Variants in PPP3R1 observed in about 807,000 individuals in gnomAD.
PPP3R1 encodes the protein calcineurin subunit B type 1.
Under a neutral mutation model 22.6 loss-of-function variants are expected in PPP3R1, and 5 were observed. The observed-to-expected ratio is 0.22, with a 90% CI of 0.12 to 0.46. The LOEUF is 0.46. Among genes scored for constraint, PPP3R1 ranks in the 20% least tolerant of loss-of-function variants. The pLI is 0.99. For synonymous variants in PPP3R1, 56 were observed against 65.2 expected (o/e 0.86, Z 0.68); for missense variants, 61 against 203.2 (o/e 0.30, Z 4.25).
intron 2 of PPP3R1, among the ~76,000 whole-genome samples, chr2:68,215,192 A>G (rs1343948196): frequency 2.0e-5 from 3 of 152,132 alleles, no homozygotes; most frequent in Non-Finnish European, 4.4e-5. Context: ...TATGCTTATT[A>G]CCTGGATGGC....
chr2:68,230,803 T>C (rs1398177238), intron 1 of PPP3R1, among the ~76,000 whole-genome samples: 2 of 152,230 alleles, frequency 1.3e-5, no homozygotes, highest in African/African-American at 2.4e-5. Flanking sequence ...TGACAGTCCT[T>C]TTCTTTCAGC....
At chr2:68,206,433 T>C (rs373436818) in intron 2 of PPP3R1, among the ~76,000 whole-genome samples, 1 of 152,162 alleles carries the variant, frequency 6.6e-6, no homozygotes, top group Admixed American at 6.5e-5. Context: ...ACTTAAATCA[T>C]CCCCAAGTTT....
At chr2:68,217,039 C>CACCCAG in intron 2 of PPP3R1, 53 bp downstream of exon 2, 2 of 1,084,904 alleles carry the variant, frequency 1.8e-6, no homozygotes, top group South Asian at 1.6e-5. Flanking sequence ...CACACACACA[C>CACCCAG]AGAGAGAGAT....
chr2:68,229,904 GTGTGTGTATA>G (rs1438983487), intron 1 of PPP3R1, among the ~76,000 whole-genome samples: 1 of 151,416 alleles, frequency 6.6e-6, no homozygotes, highest in Non-Finnish European at 1.5e-5. Flanking sequence ...ATATACGGGT[GTGTGTGTATA>G]TGTGTATATA....
At chr2:68,221,027 G>A (rs941398740) in intron 1 of PPP3R1, among the ~76,000 whole-genome samples, 1 of 151,478 alleles carries the variant, frequency 6.6e-6, no homozygotes, top group Non-Finnish European at 1.5e-5. Flanking sequence ...GCAAAACACT[G>A]TCTCTACAAA....
intron 1 of PPP3R1, among the ~76,000 whole-genome samples, chr2:68,244,622 A>G (rs1295548510): frequency 1.3e-5 from 2 of 152,040 alleles, no homozygotes; most frequent in East Asian, 3.9e-4. Context: ...TCATTCCATT[A>G]ATCACGCTCT....
At chr2:68,204,936 C>A (rs960159749) in intron 2 of PPP3R1, among the ~76,000 whole-genome samples, 11 of 152,312 alleles carry the variant, frequency 7.2e-5, no homozygotes, top group African/African-American at 2.6e-4. Context: ...TTAGTTTGAA[C>A]AGCCACTTAT....
chr2:68,240,638 A>T (rs1670106077), intron 1 of PPP3R1, among the ~76,000 whole-genome samples: 1 of 152,154 alleles, frequency 6.6e-6, no homozygotes, highest in Admixed American at 6.6e-5. Context: ...GGGACTTTTG[A>T]GGCATTCCAG....
chr2:68,237,133 T>C (rs970311481), intron 1 of PPP3R1, among the ~76,000 whole-genome samples: 4 of 152,134 alleles, frequency 2.6e-5, no homozygotes, highest in Admixed American at 2.6e-4. Context: ...GCCAAAAATA[T>C]CCTGAAACAT....
intron 1 of PPP3R1, among the ~76,000 whole-genome samples, chr2:68,226,206 A>T (rs1367218544): frequency 6.6e-6 from 1 of 152,182 alleles, no homozygotes; most frequent in Non-Finnish European, 1.5e-5. Context: ...GTACCAGGTA[A>T]CATTTCAGGG....
chr2:68,189,216 C>T (rs965822726), intron 2 of PPP3R1, among the ~76,000 whole-genome samples: 1 of 152,152 alleles, frequency 6.6e-6, no homozygotes, highest in African/African-American at 2.4e-5. Context: ...CTTCCCACCC[C>T]GAGATATCCA....
chr2:68,247,985 C>T (rs988256224), intron 1 of PPP3R1, among the ~76,000 whole-genome samples: 1 of 152,158 alleles, frequency 6.6e-6, no homozygotes, highest in Non-Finnish European at 1.5e-5. Flanking sequence ...CAATGTCATT[C>T]TCCTGCTTGA....
At chr2:68,198,562 C>T (rs1674886918) in intron 2 of PPP3R1, among the ~76,000 whole-genome samples, 1 of 151,096 alleles carries the variant, frequency 6.6e-6, no homozygotes, top group Non-Finnish European at 1.5e-5. Flanking sequence ...TGATTTTAGT[C>T]TACCTTATGC....
chr2:68,246,019 A>T (rs1042411854), intron 1 of PPP3R1, among the ~76,000 whole-genome samples: 18 of 151,300 alleles, frequency 1.2e-4, no homozygotes, highest in Admixed American at 3.9e-4. Flanking sequence ...AAAGATTCAA[A>T]AGATAATCTC....
At chr2:68,248,206 CTAAA>C (rs1670273683) in intron 1 of PPP3R1, among the ~76,000 whole-genome samples, 1 of 152,094 alleles carries the variant, frequency 6.6e-6, no homozygotes, top group Non-Finnish European at 1.5e-5. Context: ...TCCTCACTGG[CTAAA>C]TACTCATCCT....
chr2:68,227,844 TATTC>T (rs201746912), intron 1 of PPP3R1, among the ~76,000 whole-genome samples: 2,522 of 152,240 alleles, frequency 0.017, 27 homozygotes, highest in African/African-American at 0.025. Flanking sequence ...TCGCCGAACT[TATTC>T]ATTAGTACTT....
intron 2 of PPP3R1, among the ~76,000 whole-genome samples, chr2:68,197,436 G>A (rs1416341065): frequency 1.3e-5 from 2 of 152,068 alleles, no homozygotes; most frequent in Non-Finnish European, 1.5e-5. Flanking sequence ...TTCATCTGTT[G>A]ACAGACATTC....
chr2:68,209,800 CACA>C (rs570546383), intron 2 of PPP3R1, among the ~76,000 whole-genome samples: 12 of 151,972 alleles, frequency 7.9e-5, no homozygotes, highest in Non-Finnish European at 1.2e-4. Context: ...GTTTGTAAGA[CACA>C]ACAACAACAA....
intron 1 of PPP3R1, among the ~76,000 whole-genome samples, chr2:68,230,483 TTAAA>T (rs1356812251): frequency 2.6e-5 from 4 of 152,244 alleles, no homozygotes; most frequent in African/African-American, 9.6e-5. Context: ...TACAGCTATC[TTAAA>T]TATTTCCTCT....
Sources: allele counts gnomAD v4.1 joint callset (sites outside exome capture counted in the v4.1 genomes callset), GRCh38; gene constraint gnomAD v4.1.1; transcripts MANE v1.5; gene names NCBI Gene and HGNC (gene_info 2026-07-23, HGNC 2026-07-21).